MAP3K20: variants seen among roughly 807,000 people sequenced by gnomAD.
MAP3K20 encodes the protein HCCS-4.
A neutral mutation model predicts 85.7 loss-of-function variants in MAP3K20; 40 were observed. The observed-to-expected ratio is 0.47, with a 90% CI of 0.36 to 0.61. The LOEUF (loss-of-function observed/expected upper bound fraction) is 0.61, where lower values mean the gene tolerates loss of function less well. MAP3K20 is among the 20% of genes least tolerant of loss of function. The pLI is 0.00. For synonymous variants in MAP3K20, 325 were observed against 327.7 expected (o/e 0.99, Z 0.09); for missense variants, 817 against 961.7 (o/e 0.85, Z 1.99).
Position 173,232,513 on chromosome 2 carries a change from G to GT in MAP3K20, c.1203+62dup, listed in dbSNP as rs935973478. 1.1e-4 allele frequency: 175 copies of GT among 1,593,576 alleles called. 1 individual carries two copies. In the East Asian group the frequency reaches 1.2e-3, roughly 11 times the overall value. The stretch of plus-strand genomic sequence containing the variant: ...AGCAAACCCTTTTTTTGTTTGTTTG[G>GT]TTTTTTTTGAGGCAGAGTCTTGCTC... On this transcript the variant is annotated intron_variant, in intron 14 of 19. Transcript: ENST00000375213.
At chr2:173,211,908 C>G (rs952979929) in intron 10 of MAP3K20, 1 of 151,738 alleles carries the variant, frequency 6.6e-6, no homozygotes, top group African/African-American at 2.4e-5. Flanking sequence ...AGCAAGACTC[C>G]GTCTCAAAAA....
chr2:173,124,316 A>G (rs999223655), intron 2 of MAP3K20, among the ~76,000 whole-genome samples: 1 of 151,578 alleles, frequency 6.6e-6, no homozygotes, highest in African/African-American at 2.4e-5. Flanking sequence ...AAGAGACTCT[A>G]AAGTATATGG....
intron 5 of MAP3K20, among the ~76,000 whole-genome samples, chr2:173,190,358 C>G (rs1393371003): frequency 6.6e-6 from 1 of 152,160 alleles, no homozygotes; most frequent in Non-Finnish European, 1.5e-5. Context: ...TATAAACCCC[C>G]TGAGAGCAAA....
intron 2 of MAP3K20, among the ~76,000 whole-genome samples, chr2:173,162,817 C>T (rs10181133): frequency 7.2e-4 from 110 of 152,106 alleles, no homozygotes; most frequent in African/African-American, 2.4e-3. Flanking sequence ...AGAAGTGTAC[C>T]TTGTGTCAGT....
At chr2:173,138,091 C>T (rs572398726) in intron 2 of MAP3K20, among the ~76,000 whole-genome samples, 1 of 152,230 alleles carries the variant, frequency 6.6e-6, no homozygotes, top group African/African-American at 2.4e-5. Context: ...CCTCAGCTTC[C>T]CAAGTAGCTG....
intron 2 of MAP3K20, among the ~76,000 whole-genome samples, chr2:173,094,421 A>G (rs994252704): frequency 3.3e-5 from 5 of 152,238 alleles, no homozygotes; most frequent in Non-Finnish European, 1.5e-5. Context: ...AATGATAACA[A>G]TAATGTTACT....
chr2:173,208,470 G>A (rs949395781), intron 9 of MAP3K20, among the ~76,000 whole-genome samples: 1 of 151,840 alleles, frequency 6.6e-6, no homozygotes, highest in Non-Finnish European at 1.5e-5. Context: ...AGTTAAAGAA[G>A]ATAAATAGAA....
At chr2:173,236,488 A>G (rs1684654665) in intron 14 of MAP3K20, among the ~76,000 whole-genome samples, 1 of 152,106 alleles carries the variant, frequency 6.6e-6, no homozygotes, top group Non-Finnish European at 1.5e-5. Flanking sequence ...AGTAGCCTGC[A>G]TCTGTTGGGG....
chr2:173,162,156 T>A (rs941020088), intron 2 of MAP3K20, among the ~76,000 whole-genome samples: 1 of 152,180 alleles, frequency 6.6e-6, no homozygotes, highest in Non-Finnish European at 1.5e-5. Context: ...CCTTGCCTTT[T>A]TTCTATACAC....
chr2:173,113,089 C>T (rs1688019610), intron 2 of MAP3K20, among the ~76,000 whole-genome samples: 1 of 152,006 alleles, frequency 6.6e-6, no homozygotes. Flanking sequence ...ATTTCAATCT[C>T]TCTGCTAGTT....
chr2:173,198,259 A>G lies in MAP3K20; in HGVS notation c.669+147A>G. 1.6e-6 allele frequency: 1 copy of G among 634,472 alleles called. No homozygotes were observed. Among genetic ancestry groups the G allele is most frequent in the Non-Finnish European group, 2.6e-6 (1 of 377,418 alleles). The allele number at this position is 634,472 out of a possible 1,614,324, so 39.3% of individuals were successfully genotyped here. A position where few individuals can be genotyped will look rare whatever the true frequency, so the allele number is the denominator to read the frequency against. ...GGAGCTAACACAAAGGGTCAAAGTG[A>G]TGTTATTCCTCATGAATGGACCCTT... On this transcript the variant is annotated intron_variant, in intron 8 of 19. Transcript: ENST00000375213. This position sits in a 1 kb window ranked among gnomAD's most constrained non-coding sequence, Gnocchi z 5.8.
intron 2 of MAP3K20, among the ~76,000 whole-genome samples, chr2:173,149,865 A>G (rs1262285577): frequency 2.6e-5 from 4 of 152,214 alleles, no homozygotes; most frequent in Non-Finnish European, 1.5e-5. Context: ...TCAAGTGACT[A>G]TTGACTTCCA....
chr2:173,134,623 C>T (rs1323992649), intron 2 of MAP3K20, among the ~76,000 whole-genome samples: 3 of 149,916 alleles, frequency 2.0e-5, no homozygotes, highest in African/African-American at 4.9e-5. Context: ...TTTAACGCTG[C>T]CCATTGGTTT....
chr2:173,112,818 C>A (rs971877748), intron 2 of MAP3K20, among the ~76,000 whole-genome samples: 33 of 151,434 alleles, frequency 2.2e-4, no homozygotes, highest in Non-Finnish European at 8.8e-5. Context: ...TTTTTTTTAG[C>A]AAGTATTTCG....
chr2:173,250,103 TTTTA>T (rs1221014317), intron 16 of MAP3K20, among the ~76,000 whole-genome samples: 11 of 152,254 alleles, frequency 7.2e-5, no homozygotes, highest in African/African-American at 4.8e-5. Context: ...CTGTGTCAAG[TTTTA>T]TTTGATTCTT....
intron 12 of MAP3K20, among the ~76,000 whole-genome samples, chr2:173,229,934 C>T (rs908179962): frequency 3.3e-5 from 5 of 152,118 alleles, no homozygotes; most frequent in African/African-American, 9.7e-5. Flanking sequence ...GAGGTTCAAG[C>T]GATTCTCCTG....
chr2:173,233,368 A>C (rs922848106), intron 14 of MAP3K20, among the ~76,000 whole-genome samples: 26 of 152,172 alleles, frequency 1.7e-4, no homozygotes, highest in Non-Finnish European at 2.9e-4. Flanking sequence ...ATTTCCCCCA[A>C]AACTTAACTG....
At chr2:173,080,660 T>C (rs2106134197) in intron 1 of MAP3K20, among the ~76,000 whole-genome samples, 1 of 152,346 alleles carries the variant, frequency 6.6e-6, no homozygotes, top group East Asian at 1.9e-4. Context: ...AGTTTCAACA[T>C]GAATTTTGGT....
In MAP3K20 at chr2:173,169,878, A is replaced by G; in HGVS notation, c.233A>G (p.Tyr78Cys). Residue 78 changes from tyrosine (Y) to cysteine (C), a missense_variant, in exon 3 of 20, where the codon TAT (tyrosine) becomes TGT (cysteine). This residue lies in a region of MAP3K20 where 200 missense variants were observed against 302.7 expected (regional missense o/e 0.66). Transcript: ENST00000375213. ...GGAGTAATTCTTGAACCTCCCAACT[A>G]TGGCATTGTCACAGGTAAGAATTCA... ...FYGVILEPPNYGIVTEYASLG... is the reference protein window; with the variant it reads ...FYGVILEPPNCGIVTEYASLG... The G allele has an allele frequency of 1.2e-6, 2 of 1,613,854 alleles. No homozygotes were observed. Among genetic ancestry groups the G allele is most frequent in the Non-Finnish European group, 1.7e-6 (2 of 1,179,860 alleles).
Sources: allele counts gnomAD v4.1 joint callset (sites outside exome capture counted in the v4.1 genomes callset), GRCh38; gene constraint gnomAD v4.1.1; regional missense constraint gnomAD v4.1.1; non-coding constraint Gnocchi (gnomAD v3.1); transcripts MANE v1.5; gene names NCBI Gene and HGNC (gene_info 2026-07-23, HGNC 2026-07-21).